Variants in ZSWIM5 observed in about 807,000 individuals in gnomAD.
ZSWIM5 encodes zinc finger SWIM domain-containing protein 5.
Under a neutral mutation model 119.6 loss-of-function variants are expected in ZSWIM5, and 55 were observed. The observed-to-expected ratio is 0.46, with a 90% CI of 0.37 to 0.58. The LOEUF (loss-of-function observed/expected upper bound fraction) is 0.58. ZSWIM5 is among the 20% of genes least tolerant of loss of function. The pLI is 0.00. For missense variants in ZSWIM5, 1,193 were observed against 1,512.8 expected (o/e 0.79, Z 3.51); for synonymous variants, 537 against 606.9 (o/e 0.88, Z 1.69).
chr1:45,162,488 A>G (rs1345000396), intron 1 of ZSWIM5, among the ~76,000 whole-genome samples: 2 of 152,258 alleles, frequency 1.3e-5, no homozygotes, highest in African/African-American at 4.8e-5. Flanking sequence ...CAGTGGGTGC[A>G]GCCCATGGAC....
intron 4 of ZSWIM5, among the ~76,000 whole-genome samples, chr1:45,053,464 T>A (rs1013408893): frequency 6.6e-6 from 1 of 151,892 alleles, no homozygotes; most frequent in Admixed American, 6.6e-5. Flanking sequence ...CATTTTGATA[T>A]TAAGAAGGGG....
chr1:45,193,165 GA>G (rs1436564742), intron 1 of ZSWIM5, among the ~76,000 whole-genome samples: 1 of 152,122 alleles, frequency 6.6e-6, no homozygotes, highest in African/African-American at 2.4e-5. Context: ...GTTTCAAAGG[GA>G]AGAAGTAGCT....
chr1:45,168,346 C>T (rs559375024), intron 1 of ZSWIM5, among the ~76,000 whole-genome samples: 15 of 151,218 alleles, frequency 9.9e-5, no homozygotes, highest in African/African-American at 2.9e-4. Flanking sequence ...AGTGGGGAGG[C>T]GGGAGGGATA....
In ZSWIM5 at chr1:45,022,255, C is replaced by T. The variant is rs530759978; in HGVS notation, c.2450-1467G>A. Among the ~76,000 whole-genome samples, 751 of 151,322 alleles carry T rather than the reference C, an allele frequency of 5.0e-3. 10 individuals carry two copies. Among genetic ancestry groups the T allele is most frequent in the African/African-American group, 0.017 (718 of 41,246 alleles). On this transcript the variant is annotated intron_variant, in intron 11 of 13. Coordinates refer to ENST00000359600, the MANE Select transcript of ZSWIM5 (RefSeq NM_020883.2). Reference sequence around the variant, plus strand: ...ATGCCATTCTCCTGCCTCAGCCTCCCGCGTAGCTGAGACTACAGGCGCCCA... The same window carrying T: ...ATGCCATTCTCCTGCCTCAGCCTCCTGCGTAGCTGAGACTACAGGCGCCCA...
chr1:45,062,824 T>C (rs944099549), intron 2 of ZSWIM5, among the ~76,000 whole-genome samples: 1 of 152,116 alleles, frequency 6.6e-6, no homozygotes, highest in Non-Finnish European at 1.5e-5. Flanking sequence ...AAAAATAATT[T>C]CAACTCTTAT....
chr1:45,205,077 C>A (rs1408963839), intron 1 of ZSWIM5, among the ~76,000 whole-genome samples: 2 of 151,270 alleles, frequency 1.3e-5, no homozygotes, highest in South Asian at 2.1e-4. Context: ...TGATTTACCC[C>A]AGTCTGACAA....
At chr1:45,173,071 A>G (rs1446582479) in intron 1 of ZSWIM5, among the ~76,000 whole-genome samples, 1 of 152,122 alleles carries the variant, frequency 6.6e-6, no homozygotes, top group Admixed American at 6.6e-5. Flanking sequence ...AGGCTGAGGC[A>G]GGAGGATTGC....
At chr1:45,162,594 A>C (rs970122236) in intron 1 of ZSWIM5, among the ~76,000 whole-genome samples, 10 of 152,196 alleles carry the variant, frequency 6.6e-5, no homozygotes, top group African/African-American at 2.4e-4. Context: ...GACAGATGGC[A>C]CCTGGAAAAT....
At chr1:45,184,412 G>C (rs1358612316) in intron 1 of ZSWIM5, among the ~76,000 whole-genome samples, 1 of 152,204 alleles carries the variant, frequency 6.6e-6, no homozygotes, top group Non-Finnish European at 1.5e-5. Flanking sequence ...AATTAGGCAG[G>C]AGAAGGAAAT....
At chr1:45,150,731 C>G (rs1025419714) in intron 1 of ZSWIM5, among the ~76,000 whole-genome samples, 2 of 152,170 alleles carry the variant, frequency 1.3e-5, no homozygotes, top group South Asian at 2.1e-4. Context: ...GTCTTGTCGA[C>G]CAGATAGTGA....
chr1:45,085,829 C>T (rs1031788239), intron 2 of ZSWIM5, among the ~76,000 whole-genome samples: 2 of 152,182 alleles, frequency 1.3e-5, no homozygotes, highest in East Asian at 1.9e-4. Context: ...TCCAAACTTT[C>T]CTTCATCCTC....
At chr1:45,192,942 G>A (rs2149053955) in intron 1 of ZSWIM5, among the ~76,000 whole-genome samples, 1 of 152,218 alleles carries the variant, frequency 6.6e-6, no homozygotes, top group Non-Finnish European at 1.5e-5. Context: ...TTGGTCATCT[G>A]TACATTGTCT....
intron 7 of ZSWIM5, 90 bp from the exon 8 acceptor site, chr1:45,039,163 T>C (rs1645003801): frequency 6.8e-7 from 1 of 1,481,444 alleles, no homozygotes; most frequent in Admixed American, 1.9e-5. Flanking sequence ...CTCTCCAGCC[T>C]TGACCCTGAG....
intron 1 of ZSWIM5, among the ~76,000 whole-genome samples, chr1:45,116,758 G>A (rs1645560769): frequency 6.6e-6 from 1 of 151,848 alleles, no homozygotes; most frequent in Non-Finnish European, 1.5e-5. Context: ...TTTTTTTAAA[G>A]GATGATATTA....
intron 1 of ZSWIM5, among the ~76,000 whole-genome samples, chr1:45,097,053 G>A (rs1645407680): frequency 6.6e-6 from 1 of 152,168 alleles, no homozygotes; most frequent in African/African-American, 2.4e-5. Context: ...AGCTAGACAT[G>A]CTTAAATGTG....
chr1:45,197,534 TTATCCA>T (rs1224111038), intron 1 of ZSWIM5, among the ~76,000 whole-genome samples: 1 of 152,238 alleles, frequency 6.6e-6, no homozygotes, highest in Non-Finnish European at 1.5e-5. Flanking sequence ...AACAATTTCC[TTATCCA>T]TTCCCCCATT....
intron 6 of ZSWIM5, among the ~76,000 whole-genome samples, 170 bp downstream of exon 6, chr1:45,043,049 A>C (rs1645025498): frequency 6.6e-6 from 1 of 152,186 alleles, no homozygotes; most frequent in Non-Finnish European, 1.5e-5. Flanking sequence ...CTGAGTATAC[A>C]TGCAAATGGC....
chr1:45,060,225 C>T lies in ZSWIM5; in HGVS notation c.975G>A (p.Gly325=). 1 of 1,613,858 alleles carries T rather than the reference C, an allele frequency of 6.2e-7. No individual in the cohort carries two copies. Among genetic ancestry groups the T allele is most frequent in the Non-Finnish European group, 8.5e-7 (1 of 1,179,996 alleles). ...QVNGAPDPTA[G]ASIDDENCWH... Reference sequence around the variant, plus strand: ...AACAGTTCTCATCGTCAATGCTGGCCCCAGCTGTGGGGTCAGGGGCACCTA... The same window carrying T: ...AACAGTTCTCATCGTCAATGCTGGCTCCAGCTGTGGGGTCAGGGGCACCTA... The change falls in exon 3 of 14, where the codon GGG becomes GGA. Residue 325 remains glycine (G), a synonymous_variant. Coordinates refer to ENST00000359600, the MANE Select transcript of ZSWIM5 (RefSeq NM_020883.2).
chr1:45,027,595 C>G (rs1039893778), intron 11 of ZSWIM5, among the ~76,000 whole-genome samples: 1 of 152,028 alleles, frequency 6.6e-6, no homozygotes, highest in Non-Finnish European at 1.5e-5. Context: ...AGGGTTTCTC[C>G]ATGTTGGTCA....
Sources: allele counts gnomAD v4.1 joint callset (sites outside exome capture counted in the v4.1 genomes callset), GRCh38; gene constraint gnomAD v4.1.1; transcripts MANE v1.5; gene names NCBI Gene and HGNC (gene_info 2026-07-23, HGNC 2026-07-21).